Variants in MSI2 observed in about 807,000 individuals in gnomAD.
MSI2 encodes the protein musashi RNA binding protein 2, also known as RNA-binding protein Musashi homolog 2.
Under a neutral mutation model 45.6 loss-of-function variants are expected in MSI2, and 17 were observed. That is an observed-to-expected ratio of 0.37 (90% CI 0.26 to 0.56). MSI2 has a LOEUF of 0.56. Among genes scored for constraint, MSI2 ranks in the 20% least tolerant of loss-of-function variants. MSI2 has a pLI of 0.77. For missense variants in MSI2, 293 were observed against 444.2 expected, an observed-to-expected ratio of 0.66 and a Z score of 3.06; for synonymous variants, 156 against 158.2, an observed-to-expected ratio of 0.99 and a Z score of 0.11.
chr17:57,473,688 G>GCA (rs2085483825), intron 6 of MSI2, among the ~76,000 whole-genome samples: 5 of 151,938 alleles, frequency 3.3e-5, no homozygotes, highest in African/African-American at 1.2e-4. Flanking sequence ...GCAGGAGGAT[G>GCA]GGGCTCTTCG....
At chr17:57,613,102 A>G (rs138691177) in intron 8 of MSI2, among the ~76,000 whole-genome samples, 5 of 152,190 alleles carry the variant, frequency 3.3e-5, no homozygotes, top group African/African-American at 1.2e-4. Context: ...ATATTCTAAT[A>G]GCCCTATCAG....
chr17:57,277,474 A>G (rs894596084), intron 5 of MSI2, among the ~76,000 whole-genome samples: 2 of 152,212 alleles, frequency 1.3e-5, no homozygotes, highest in Non-Finnish European at 2.9e-5. Flanking sequence ...TCTTAGCCCA[A>G]TGCTGATGTG....
intron 5 of MSI2, among the ~76,000 whole-genome samples, chr17:57,301,598 A>C (rs773848091): frequency 6.6e-6 from 1 of 152,158 alleles, no homozygotes; most frequent in African/African-American, 2.4e-5. Flanking sequence ...TTTTCCATTC[A>C]TGTGGTGTTT....
chr17:57,518,714 G>A lies in MSI2; in HGVS notation c.406-10962G>A, dbSNP rs569719699. Among the ~76,000 whole-genome samples, 4 of 152,228 alleles carry A rather than the reference G, an allele frequency of 2.6e-5. No homozygotes were observed. In the South Asian group the frequency reaches 6.2e-4, roughly 24 times the overall value. Reference sequence around the variant, plus strand: ...GGGGAGAGGCTGGAGAGGGGGAGAAGGGAGCATTCAGCAGTTCAGCAGCCT... The same window carrying A: ...GGGGAGAGGCTGGAGAGGGGGAGAAAGGAGCATTCAGCAGTTCAGCAGCCT... On this transcript the variant is annotated intron_variant, in intron 6 of 13. Coordinates refer to ENST00000284073, the MANE Select transcript of MSI2 (RefSeq NM_138962.4).
chr17:57,430,174 T>C (rs1387134928), intron 6 of MSI2, among the ~76,000 whole-genome samples: 7 of 152,226 alleles, frequency 4.6e-5, no homozygotes, highest in Non-Finnish European at 1.0e-4. Context: ...TGCCCATTCA[T>C]TGGAAATTCT....
At chr17:57,367,328 A>G (rs1325514660) in intron 5 of MSI2, among the ~76,000 whole-genome samples, 5 of 152,212 alleles carry the variant, frequency 3.3e-5, no homozygotes, top group African/African-American at 1.2e-4. Context: ...CAGGAGATAC[A>G]AGTGGAATAT....
At chr17:57,479,561 C>A (rs1367997204) in intron 6 of MSI2, among the ~76,000 whole-genome samples, 3 of 152,118 alleles carry the variant, frequency 2.0e-5, no homozygotes, top group African/African-American at 7.2e-5. Context: ...GGAAATTCAA[C>A]ATTTCTTTCA....
chr17:57,260,154 T>G (rs1169575767), intron 4 of MSI2: 2 of 152,184 alleles, frequency 1.3e-5, no homozygotes, highest in Non-Finnish European at 2.9e-5. Flanking sequence ...TGTTTTAATT[T>G]TTGGTAGTTT....
At chr17:57,602,926 A>G (rs1167488260) in intron 8 of MSI2, among the ~76,000 whole-genome samples, 4 of 152,218 alleles carry the variant, frequency 2.6e-5, no homozygotes, top group Non-Finnish European at 4.4e-5. Context: ...CGTGCACATT[A>G]AAGTCTGAGA....
chr17:57,409,727 G>A (rs1329184096), intron 6 of MSI2, among the ~76,000 whole-genome samples: 1 of 152,070 alleles, frequency 6.6e-6, no homozygotes, highest in Non-Finnish European at 1.5e-5. Flanking sequence ...AGAGTGTGGG[G>A]CACAGGCACA....
chr17:57,365,502 A>G (rs569998384), intron 5 of MSI2, among the ~76,000 whole-genome samples: 1 of 152,344 alleles, frequency 6.6e-6, no homozygotes, highest in Middle Eastern at 3.4e-3. Context: ...GAGTAGCTGT[A>G]TCAGTACAAG....
chr17:57,612,927 A>G, intron 8 of MSI2, among the ~76,000 whole-genome samples: 1 of 152,176 alleles, frequency 6.6e-6, no homozygotes, highest in East Asian at 1.9e-4. Context: ...AGACACGCCC[A>G]TCTTCCTAGG....
intron 6 of MSI2, among the ~76,000 whole-genome samples, chr17:57,444,057 C>T (rs745426499): frequency 2.6e-5 from 4 of 152,256 alleles, no homozygotes; most frequent in Non-Finnish European, 5.9e-5. Flanking sequence ...ACGGGAGAAC[C>T]TAAGTGCTTG....
chr17:57,460,382 AAGAG>A (rs996220377), intron 6 of MSI2, among the ~76,000 whole-genome samples: 1 of 151,820 alleles, frequency 6.6e-6, no homozygotes, highest in African/African-American at 2.4e-5. Context: ...GGAAAGGAAA[AAGAG>A]AGAAAGAGAA....
At chr17:57,490,192 G>A (rs1339652254) in intron 6 of MSI2, among the ~76,000 whole-genome samples, 1 of 152,162 alleles carries the variant, frequency 6.6e-6, no homozygotes, top group East Asian at 1.9e-4. Flanking sequence ...GTGAAATCGT[G>A]GATGTATGAT....
intron 11 of MSI2, among the ~76,000 whole-genome samples, chr17:57,667,839 A>T (rs1257317989): frequency 6.6e-6 from 1 of 152,060 alleles, no homozygotes; most frequent in Non-Finnish European, 1.5e-5. Flanking sequence ...CCAGTCCAGA[A>T]CCCACCCAGC....
At chr17:57,329,184 A>G (rs1239322910) in intron 5 of MSI2, among the ~76,000 whole-genome samples, 2 of 152,322 alleles carry the variant, frequency 1.3e-5, no homozygotes, top group African/African-American at 2.4e-5. Flanking sequence ...AATGCATTCC[A>G]GGGGTTTATT....
At chr17:57,490,664 T>C (rs957018481) in intron 6 of MSI2, among the ~76,000 whole-genome samples, 1 of 152,164 alleles carries the variant, frequency 6.6e-6, no homozygotes, top group Non-Finnish European at 1.5e-5. Context: ...TGGAATAAAA[T>C]ACCATGGCTC....
chr17:57,453,002 CTTT>C (rs59001273), intron 6 of MSI2, among the ~76,000 whole-genome samples: 30 of 118,230 alleles, frequency 2.5e-4, no homozygotes, highest in East Asian at 7.4e-4. Context: ...GGTTGAGGGA[CTTT>C]TTTTTTTTTT....
Sources: gnomAD v4.1 joint callset for allele counts (sites outside exome capture counted in the v4.1 genomes callset) on GRCh38, gnomAD v4.1.1 for gene constraint, MANE v1.5 for transcripts, NCBI Gene and HGNC (gene_info 2026-07-23, HGNC 2026-07-21) for gene names.